MED27: variants seen among roughly 807,000 people sequenced by gnomAD.
MED27 encodes the protein mediator of RNA polymerase II transcription subunit 27.
Under a neutral mutation model 38.2 loss-of-function variants are expected in MED27, and 30 were observed. The ratio of observed to expected loss-of-function variants is 0.79; its 90% CI spans 0.59 to 1.07. MED27 has a LOEUF of 1.07. Among genes scored for constraint, MED27 ranks in the 50% least tolerant of loss-of-function variants. The pLI, the probability that MED27 is intolerant of heterozygous loss-of-function variation, is 0.00. For missense variants in MED27, 289 were observed against 397.5 expected (o/e 0.73, Z 2.32); for synonymous variants, 122 against 153.5 (o/e 0.79, Z 1.52).
In MED27 at chr9:131,861,393, C is replaced by T. The variant is rs531195299; in HGVS notation, c.802-721G>A. On this transcript the variant is annotated intron_variant, in intron 7 of 7. Transcript: ENST00000292035. This position sits in a 1 kb window ranked among gnomAD's most constrained non-coding sequence, Gnocchi z 4.4. ...AAAACAGCAGGCAAGCAAGTTCTCG[C>T]GGTGAAAGGGCACGTGAATCTTGTC... Among the ~76,000 whole-genome samples the T allele has an allele frequency of 2.5e-4, 38 of 152,260 alleles. No individual in the cohort carries two copies. Among genetic ancestry groups the T allele is most frequent in the African/African-American group, 8.9e-4 (37 of 41,542 alleles).
rs1459985509 is a variant in MED27, at chr9:131,913,615, G to A, written c.574-19623C>T. Among the ~76,000 whole-genome samples, 3 of 152,010 alleles carry A rather than the reference G, an allele frequency of 2.0e-5. No homozygotes were observed. Among genetic ancestry groups the A allele is most frequent in the South Asian group, 2.1e-4 (1 of 4,812 alleles). ...TCCCTGTTTGAAAGGCCGTTTGTTC[G>A]GCTTACCACAGTTGCATCCCTCCCT... is the stretch of plus-strand genomic sequence containing the variant. On this transcript the variant is annotated intron_variant, in intron 4 of 7. Transcript: ENST00000292035. The surrounding 1 kb of genome is among the most constrained non-coding windows in gnomAD (Gnocchi z 4.5).
At chr9:131,919,930 T>C (rs1170759789) in intron 4 of MED27, among the ~76,000 whole-genome samples, 1 of 151,526 alleles carries the variant, frequency 6.6e-6, no homozygotes, top group African/African-American at 2.4e-5. Context: ...CATCTTAGCC[T>C]CCCGAGTAGC....
chr9:132,058,452 T>C (rs1437063311), intron 2 of MED27, among the ~76,000 whole-genome samples: 2 of 151,956 alleles, frequency 1.3e-5, no homozygotes, highest in Admixed American at 6.6e-5. Flanking sequence ...ATAAGGGGCT[T>C]TTCCCCCTTT....
intron 4 of MED27, among the ~76,000 whole-genome samples, chr9:131,930,571 T>C (rs1008913160): frequency 6.6e-6 from 1 of 152,102 alleles, no homozygotes; most frequent in Non-Finnish European, 1.5e-5. Context: ...AAACAAAACC[T>C]GTGGGATTTC....
At chr9:132,048,968 G>A (rs1833404150) in intron 2 of MED27, among the ~76,000 whole-genome samples, 1 of 152,160 alleles carries the variant, frequency 6.6e-6, no homozygotes, top group African/African-American at 2.4e-5. Context: ...GCACCAAAGG[G>A]GAACACAAAG....
chr9:131,871,234 G>A (rs2131460391), intron 6 of MED27, among the ~76,000 whole-genome samples: 1 of 152,264 alleles, frequency 6.6e-6, no homozygotes, highest in Admixed American at 6.5e-5. Context: ...TCCTACTCAG[G>A]CCCTCTCCTG....
chr9:131,865,696 G>A (rs969881857), intron 6 of MED27, among the ~76,000 whole-genome samples: 1 of 152,224 alleles, frequency 6.6e-6, no homozygotes, highest in Non-Finnish European at 1.5e-5. Context: ...TCCCCTGGGT[G>A]AGACCACCTC....
chr9:131,898,287 T>C (rs895816428), intron 4 of MED27, among the ~76,000 whole-genome samples: 1 of 152,134 alleles, frequency 6.6e-6, no homozygotes, highest in South Asian at 2.1e-4. Flanking sequence ...CAGGCTGGAG[T>C]GCAGTGGGGT....
chr9:132,022,144 T>G (rs1358084369), intron 2 of MED27, among the ~76,000 whole-genome samples: 1 of 152,148 alleles, frequency 6.6e-6, no homozygotes, highest in Non-Finnish European at 1.5e-5. Context: ...AATGAGAATA[T>G]GCCCTCTGAA....
In MED27 at chr9:131,973,026, G is replaced by T. The variant is rs539230688; in HGVS notation, c.480-33552C>A. Among the ~76,000 whole-genome samples, 3 of 152,290 alleles carry T rather than the reference G, an allele frequency of 2.0e-5. No homozygotes were observed. In the South Asian group the frequency reaches 6.2e-4, roughly 32 times the overall value. On this transcript the variant is annotated intron_variant, in intron 3 of 7. Transcript: ENST00000292035. The stretch of plus-strand genomic sequence containing the variant: ...TTTATAAATGAGGGAAGCAATACAA[G>T]AAAATTTCAAACACTCAAATGCTCA...
At chr9:131,989,700 T>C (rs528527513) in intron 3 of MED27, among the ~76,000 whole-genome samples, 1 of 151,944 alleles carries the variant, frequency 6.6e-6, no homozygotes, top group South Asian at 2.1e-4. Flanking sequence ...AACCATACAA[T>C]AAACTTTTGT....
intron 6 of MED27, among the ~76,000 whole-genome samples, chr9:131,881,806 T>TTTTTTTC (rs1839050919): frequency 7.6e-6 from 1 of 131,872 alleles, no homozygotes; most frequent in Non-Finnish European, 1.6e-5. Flanking sequence ...TCTTCTTTTT[T>TTTTTTTC]TTTTTTTTTT....
intron 2 of MED27, among the ~76,000 whole-genome samples, chr9:132,018,443 C>A (rs927523156): frequency 6.6e-6 from 1 of 152,190 alleles, no homozygotes; most frequent in East Asian, 1.9e-4. Context: ...ATCAGATGAG[C>A]AATCACCCCT....
Position 131,860,488 on chromosome 9 carries a change from G to C in MED27, c.*50C>G. On this transcript the variant is annotated 3_prime_UTR_variant, in exon 8 of 8. Transcript: ENST00000292035. The surrounding 1 kb of genome is among the most constrained non-coding windows in gnomAD (Gnocchi z 5.8). ...GCTGAGCCTTCTGTGGGCTTCCTGC[G>C]TGTCTGGGAAGGTGCTGGGTGGGGT... 3 of 1,466,846 alleles carry C rather than the reference G, an allele frequency of 2.0e-6. No homozygotes were observed. The South Asian group carries it at 4.3e-5, about 21-fold the overall frequency. The allele number at this position is 1,466,846 out of a possible 1,614,324, so 90.9% of individuals were successfully genotyped here.
chr9:131,903,244 A>T (rs1829986835), intron 4 of MED27, among the ~76,000 whole-genome samples: 1 of 152,278 alleles, frequency 6.6e-6, no homozygotes, highest in Non-Finnish European at 1.5e-5. Flanking sequence ...TGTGGATGGC[A>T]GCAGGCAAAG....
intron 3 of MED27, among the ~76,000 whole-genome samples, chr9:132,011,167 T>C (rs1832478335): frequency 1.3e-5 from 2 of 152,316 alleles, no homozygotes; most frequent in Admixed American, 6.5e-5. Context: ...GGTTGAGATA[T>C]GAAATAGAAC....
intron 3 of MED27, among the ~76,000 whole-genome samples, chr9:131,980,666 T>G (rs907783605): frequency 6.6e-6 from 1 of 152,100 alleles, no homozygotes; most frequent in Non-Finnish European, 1.5e-5. Flanking sequence ...ATTCTGCCCT[T>G]CTTGAAAACT....
chr9:131,888,087 G>A (rs561189751), intron 5 of MED27, among the ~76,000 whole-genome samples: 25 of 152,232 alleles, frequency 1.6e-4, no homozygotes, highest in African/African-American at 5.1e-4. Context: ...CAATCAGAGC[G>A]ACCCAGTATC....
At chr9:131,863,315 G>T (rs3802352) in intron 6 of MED27, among the ~76,000 whole-genome samples, 175 bp from the exon 7 acceptor site, 18 of 152,230 alleles carry the variant, frequency 1.2e-4, no homozygotes, top group Admixed American at 1.0e-3. Flanking sequence ...GGACCCAGAG[G>T]GGGAGAAGAG....
Sources: allele counts gnomAD v4.1 joint callset (sites outside exome capture counted in the v4.1 genomes callset), GRCh38; gene constraint gnomAD v4.1.1; non-coding constraint Gnocchi (gnomAD v3.1); transcripts MANE v1.5; gene names NCBI Gene and HGNC (gene_info 2026-07-23, HGNC 2026-07-21).